The following CYTH1 variants were observed in gnomAD, a reference collection of about 807,000 sequenced individuals.
CYTH1 encodes cytohesin 1.
A neutral mutation model predicts 61.8 loss-of-function variants in CYTH1; 18 were observed. The ratio of observed to expected loss-of-function variants is 0.29; its 90% confidence interval spans 0.20 to 0.43. The LOEUF (loss-of-function observed/expected upper bound fraction) is 0.43. Ranked by LOEUF, CYTH1 falls within the 20% of genes least tolerant of loss-of-function variation. CYTH1 has a pLI of 1.00. For missense variants in CYTH1, 336 were observed against 510.5 expected (o/e 0.66, Z 3.29); for synonymous variants, 174 against 184.3 (o/e 0.94, Z 0.45).
intron 1 of CYTH1, among the ~76,000 whole-genome samples, chr17:78,738,205 C>T (rs920802251): frequency 1.3e-5 from 2 of 152,218 alleles, no homozygotes; most frequent in African/African-American, 4.8e-5. Context: ...CATGCTTACT[C>T]TGTGCCTAGC....
intron 1 of CYTH1, among the ~76,000 whole-genome samples, chr17:78,735,796 C>G (rs1181007801): frequency 6.6e-6 from 1 of 152,226 alleles, no homozygotes; most frequent in East Asian, 1.9e-4. Context: ...CCAGCTACAA[C>G]CCAGTACGCA....
In CYTH1 at chr17:78,700,859, G is replaced by A. The variant is rs2093001569; in HGVS notation, c.438-416C>T. On this transcript the variant is annotated intron_variant, in intron 6 of 13. Transcript: ENST00000446868. The surrounding 1 kb of genome is among the most constrained non-coding windows in gnomAD (Gnocchi z 5.1). ...GATTTTTTAACATCAAAGTGCAAAG[G>A]GAACCCTGCTGGGCTGCAGCCTTCT... is the stretch of plus-strand genomic sequence containing the variant. 6.6e-6 allele frequency among the ~76,000 whole-genome samples: 1 copy of A among 152,056 alleles called. No homozygotes were observed. The highest frequency in any genetic ancestry group is 2.1e-4 in the South Asian group (1 of 4,822).
chr17:78,675,867 G>C lies in CYTH1; in HGVS notation c.*224C>G. 2.0e-6 allele frequency: 3 copies of C among 1,469,756 alleles called. No homozygotes were observed. Among genetic ancestry groups the C allele is most frequent in the Non-Finnish European group, 2.7e-6 (3 of 1,110,000 alleles). The allele number at this position is 1,469,756 out of a possible 1,614,324, so 91.0% of individuals were successfully genotyped here. On this transcript the variant is annotated 3_prime_UTR_variant, in exon 14 of 14. Transcript: ENST00000446868. ...GAGCTCTGCCCTGTGAGAGAGGAAG[G>C]CTCTGGAGCCCATGCTGGACAGGTG...
chr17:78,698,786 T>C, intron 8 of CYTH1, 34 bp downstream of exon 8: 16 of 1,541,304 alleles, frequency 1.0e-5, no homozygotes, highest in African/African-American at 1.4e-5. Context: ...GAACTCTTTC[T>C]TGACTTGAAT....
In CYTH1 at chr17:78,724,241, C is replaced by T. The variant is rs569885787; in HGVS notation, c.23-14509G>A. Among the ~76,000 whole-genome samples the T allele has an allele frequency of 1.4e-4, 22 of 152,292 alleles. No homozygotes were observed. The South Asian group carries it at 3.7e-3, about 26-fold the overall frequency. ...AATCACCAAGGGCGCCTGTTAAACA[C>T]GCAGATTTGGGACCCCAGTCCCAAA... On this transcript the variant is annotated intron_variant, in intron 1 of 13. Transcript: ENST00000446868.
intron 1 of CYTH1, among the ~76,000 whole-genome samples, chr17:78,770,271 C>A (rs1350368331): frequency 3.6e-5 from 5 of 140,478 alleles, no homozygotes; most frequent in Admixed American, 1.5e-4. Flanking sequence ...TGCAGTGAGT[C>A]GAAATTGTGC....
chr17:78,757,083 G>A (rs1448912436), intron 1 of CYTH1, among the ~76,000 whole-genome samples: 1 of 150,574 alleles, frequency 6.6e-6, no homozygotes, highest in Admixed American at 6.6e-5. Flanking sequence ...GAGTAGATGG[G>A]ACTACAGACG....
chr17:78,763,105 AG>A (rs2093435073), intron 1 of CYTH1, among the ~76,000 whole-genome samples: 1 of 152,070 alleles, frequency 6.6e-6, no homozygotes, highest in Non-Finnish European at 1.5e-5. Context: ...GCACTTTGGG[AG>A]GAAGAGGTAT....
rs550616348 is a variant in CYTH1, at chr17:78,774,084, T to C, written c.22+8118A>G. ...GTTTTAAAAAAAAACTTTTAAAATG[T>C]TGATCCTCACTGAGGGCACATTTGC... is the stretch of plus-strand genomic sequence containing the variant. On this transcript the variant is annotated intron_variant, in intron 1 of 13. Coordinates refer to ENST00000446868, the MANE Select transcript of CYTH1 (RefSeq NM_004762.6). Among the ~76,000 whole-genome samples, 6 of 152,360 alleles carry C rather than the reference T, an allele frequency of 3.9e-5. No individual in the cohort carries two copies. The South Asian group carries it at 1.2e-3, about 32-fold the overall frequency.
rs537987426 is a variant in CYTH1, at chr17:78,715,453, G to T, written c.23-5721C>A. 2.0e-5 allele frequency among the ~76,000 whole-genome samples: 3 copies of T among 152,276 alleles called. No individual in the cohort carries two copies. The East Asian group carries it at 5.8e-4, about 29-fold the overall frequency. ...TGACTCAGGAGCCTGAGGACAGCAA[G>T]CGCCATCAACTGTGATGGCCAACAG... is the stretch of plus-strand genomic sequence containing the variant. On this transcript the variant is annotated intron_variant, in intron 1 of 13. Coordinates refer to ENST00000446868, the MANE Select transcript of CYTH1 (RefSeq NM_004762.6).
rs74001205 is a variant in CYTH1 at position 78,692,811 on chromosome 17, G to C, written c.815-318C>G. 4.2e-3 allele frequency among the ~76,000 whole-genome samples: 641 copies of C among 152,198 alleles called. 6 individuals are homozygous for C. The highest frequency in any genetic ancestry group is 0.015 in the African/African-American group (604 of 41,522). On this transcript the variant is annotated intron_variant, in intron 10 of 13. Transcript: ENST00000446868. ...TGACATACAATGCAAATTTGCCAGA[G>C]TCAGCAAAAAGCCTATGTGGTAGAA...
At chr17:78,710,809 C>T (rs1377831031) in intron 1 of CYTH1, among the ~76,000 whole-genome samples, 1 of 152,092 alleles carries the variant, frequency 6.6e-6, no homozygotes, top group African/African-American at 2.4e-5. Context: ...CAAAGGGCAC[C>T]CACACTCTCA....
intron 1 of CYTH1, chr17:78,736,738 G>A (rs934462397): frequency 1.4e-5 from 6 of 414,784 alleles, no homozygotes; most frequent in African/African-American, 1.3e-4. Context: ...CTTACAGCGG[G>A]ACACGAAAAG....
chr17:78,692,518 T>C, intron 10 of CYTH1, 25 bp from the exon 11 acceptor site: 1 of 1,612,578 alleles, frequency 6.2e-7, no homozygotes, highest in South Asian at 1.1e-5. Flanking sequence ...GAGATGCACG[T>C]TCGACAAGAG....
chr17:78,681,482 C>T (rs1328251300), intron 11 of CYTH1, among the ~76,000 whole-genome samples: 2 of 152,160 alleles, frequency 1.3e-5, no homozygotes, highest in African/African-American at 2.4e-5. Flanking sequence ...ATTAACCACT[C>T]ACTGCCTCTG....
At position 78,676,107 on chromosome 17, in the gene CYTH1, G is replaced by C; in HGVS notation, c.1181C>G (p.Ser394Cys). Residue 394 changes from serine to cysteine, a missense_variant, in exon 14 of 14, where the codon TCC becomes TGC. Ser to Cys is a moderately radical substitution (Grantham distance 112, BLOSUM62 -1). Around this residue, in one of 4 missense-constraint regions of CYTH1, gnomAD observed 83 missense variants for 115.6 expected, o/e 0.72. Coordinates refer to ENST00000446868, the MANE Select transcript of CYTH1 (RefSeq NM_004762.6). The part of the protein sequence containing the change: ...MLAARKKKVS[S>C]TKRH ...GCTGCACGCTCAGTGTCGCTTCGTG[G>C]AGGAGACCTTCTTTTTCCGTGCTGC... The C allele has an allele frequency of 6.2e-7, 1 of 1,610,290 alleles. No individual in the cohort carries two copies. Among genetic ancestry groups the C allele is most frequent in the Non-Finnish European group, 8.5e-7 (1 of 1,178,536 alleles).
At chr17:78,693,620 CA>C (rs1256482874) in intron 10 of CYTH1, among the ~76,000 whole-genome samples, 4 of 105,898 alleles carry the variant, frequency 3.8e-5, no homozygotes, top group East Asian at 5.3e-4. Flanking sequence ...GACTCCCTCT[CA>C]AAAAAAAAGA....
At chr17:78,696,064 G>T (rs1944301486) in intron 9 of CYTH1, 55 bp from the exon 10 acceptor site, 1 of 1,366,720 alleles carries the variant, frequency 7.3e-7, no homozygotes, top group Non-Finnish European at 9.8e-7. Flanking sequence ...ATACAAATGA[G>T]GGAGAAAAGA....
At chr17:78,708,355 A>C in intron 2 of CYTH1, 94 bp from the exon 3 acceptor site, 1 of 1,135,546 alleles carries the variant, frequency 8.8e-7, no homozygotes, top group Non-Finnish European at 1.3e-6. Flanking sequence ...AACCAAAAAC[A>C]AAATAAAGCA....
Sources: allele counts gnomAD v4.1 joint callset (sites outside exome capture counted in the v4.1 genomes callset), GRCh38; gene constraint gnomAD v4.1.1; regional missense constraint gnomAD v4.1.1; non-coding constraint Gnocchi (gnomAD v3.1); transcripts MANE v1.5; gene names NCBI Gene and HGNC (gene_info 2026-07-23, HGNC 2026-07-21).